Variants in MCEE observed in about 807,000 individuals in gnomAD.
MCEE encodes the protein methylmalonyl-CoA epimerase, also known as methylmalonyl-CoA epimerase, mitochondrial.
Under a neutral mutation model 12.9 loss-of-function variants are expected in MCEE, and 6 were observed. The observed-to-expected ratio is 0.47, with a 90% confidence interval of 0.26 to 0.92. MCEE has a LOEUF of 0.92. Ranked by LOEUF, MCEE falls within the 40% of genes least tolerant of loss-of-function variation. The probability of loss-of-function intolerance (pLI) is 0.16; values close to 1 mark genes in which losing one functional copy is unlikely to be tolerated. For missense variants in MCEE, 214 were observed against 212.1 expected, an observed-to-expected ratio of 1.01 and a Z score of -0.05; for synonymous variants, 78 against 77.9, an observed-to-expected ratio of 1.00 and a Z score of -0.01.
At chr2:71,112,867 C>T (rs1672918506) in intron 2 of MCEE, among the ~76,000 whole-genome samples, 1 of 152,234 alleles carries the variant, frequency 6.6e-6, no homozygotes, top group Admixed American at 6.5e-5. Flanking sequence ...TATTTTCTCT[C>T]TCTTCCTTTT....
chr2:71,117,255 T>C (rs902807238), intron 2 of MCEE, among the ~76,000 whole-genome samples: 2 of 150,620 alleles, frequency 1.3e-5, no homozygotes, highest in Admixed American at 6.6e-5. Context: ...AGGGTTCAGA[T>C]GGTTCCAGTC....
At chr2:71,129,960 G>C (rs1673333668) in intron 1 of MCEE, 2 of 626,930 alleles carry the variant, frequency 3.2e-6, no homozygotes, top group Non-Finnish European at 5.8e-6. Flanking sequence ...CACAGCTCTC[G>C]GATGGAAATG....
chr2:71,125,845 C>A (rs1347789152), intron 1 of MCEE, among the ~76,000 whole-genome samples: 1 of 152,126 alleles, frequency 6.6e-6, no homozygotes, highest in Non-Finnish European at 1.5e-5. Context: ...CACAACAAAC[C>A]AAGTTAGAAA....
intron 1 of MCEE, among the ~76,000 whole-genome samples, chr2:71,128,481 A>C (rs112553984): frequency 0.041 from 6,199 of 152,280 alleles, 386 homozygotes; most frequent in African/African-American, 0.13. Flanking sequence ...ATGGATAAAC[A>C]AAATGTGGTA....
intron 1 of MCEE, 139 bp downstream of exon 1, chr2:71,130,041 C>T: frequency 1.2e-6 from 1 of 851,974 alleles, no homozygotes; most frequent in Non-Finnish European, 2.0e-6. Flanking sequence ...GCCTAAGTGA[C>T]AGCAGCTGCT....
intron 1 of MCEE, chr2:71,129,920 C>T (rs1321763804): frequency 3.4e-6 from 2 of 582,416 alleles, no homozygotes; most frequent in Non-Finnish European, 6.2e-6. Context: ...CTCTCCCGCC[C>T]ACATACTGGA....
chr2:71,112,837 T>C (rs372156138), intron 2 of MCEE, among the ~76,000 whole-genome samples: 5 of 152,362 alleles, frequency 3.3e-5, no homozygotes, highest in African/African-American at 1.2e-4. Flanking sequence ...CAACTATTTT[T>C]TCAATTACTG....
At chr2:71,115,867 C>T (rs1377441816) in intron 2 of MCEE, among the ~76,000 whole-genome samples, 2 of 149,014 alleles carry the variant, frequency 1.3e-5, no homozygotes, top group East Asian at 1.9e-4. Context: ...ATGTAGACGA[C>T]GGGTTAATGG....
chr2:71,126,211 T>TA, intron 1 of MCEE, among the ~76,000 whole-genome samples: 1 of 152,016 alleles, frequency 6.6e-6, no homozygotes, highest in South Asian at 2.1e-4. Context: ...ATGTAATAAT[T>TA]ACTGTTAAAC....
At chr2:71,118,631 G>A (rs6725113) in intron 2 of MCEE, among the ~76,000 whole-genome samples, 38,209 of 149,304 alleles carry the variant, frequency 0.26, 7,057 homozygotes, top group African/African-American at 0.44. Context: ...GGCAACGGGT[G>A]TCTCTGAGGC....
chr2:71,125,211 A>ATATATATATATATATATATTTTTTTTTTT, intron 1 of MCEE, among the ~76,000 whole-genome samples: 6 of 48,594 alleles, frequency 1.2e-4, no homozygotes, highest in Non-Finnish European at 2.6e-4. Flanking sequence ...ATATATATAT[A>ATATATATATATATATATATTTTTTTTTTT]TTTTTTTTTT....
intron 1 of MCEE, among the ~76,000 whole-genome samples, chr2:71,125,459 G>A (rs1233019343): frequency 2.0e-5 from 3 of 151,250 alleles, no homozygotes; most frequent in African/African-American, 4.9e-5. Context: ...CACCCACCTC[G>A]GCCTCCCAAA....
chr2:71,125,201 A>T (rs1558748238), intron 1 of MCEE, among the ~76,000 whole-genome samples: 3 of 48,504 alleles, frequency 6.2e-5, no homozygotes. Flanking sequence ...ATATATATAT[A>T]TATATATATA....
intron 1 of MCEE, among the ~76,000 whole-genome samples, chr2:71,125,203 A>T (rs1441603153): frequency 7.0e-4 from 30 of 42,762 alleles, no homozygotes; most frequent in Non-Finnish European, 1.1e-3. Flanking sequence ...ATATATATAT[A>T]TATATATATT....
chr2:71,111,265 C>A (rs767076679), intron 2 of MCEE, among the ~76,000 whole-genome samples: 2 of 152,162 alleles, frequency 1.3e-5, no homozygotes, highest in East Asian at 3.8e-4. Flanking sequence ...TAATTCTCAT[C>A]TTTTTCAGAA....
chr2:71,124,035 G>C (rs935512740), intron 2 of MCEE, among the ~76,000 whole-genome samples, 171 bp downstream of exon 2: 1 of 152,058 alleles, frequency 6.6e-6, no homozygotes, highest in Non-Finnish European at 1.5e-5. Flanking sequence ...TTTTCTAAAG[G>C]GAAAAGAAAT....
At chr2:71,127,317 A>G (rs1316451794) in intron 1 of MCEE, among the ~76,000 whole-genome samples, 1 of 152,208 alleles carries the variant, frequency 6.6e-6, no homozygotes, top group East Asian at 1.9e-4. Context: ...CAGATTTTGC[A>G]TTTATTTCAG....
At chr2:71,127,468 C>T (rs547084701) in intron 1 of MCEE, among the ~76,000 whole-genome samples, 1 of 152,316 alleles carries the variant, frequency 6.6e-6, no homozygotes, top group East Asian at 1.9e-4. Context: ...TGAATAATCA[C>T]TTGTAATAGG....
At chr2:71,122,848 C>T (rs1335239842) in intron 2 of MCEE, among the ~76,000 whole-genome samples, 4 of 152,212 alleles carry the variant, frequency 2.6e-5, no homozygotes, top group African/African-American at 9.6e-5. Flanking sequence ...ATTCCCTCTG[C>T]CTGAAATAAC....
Sources: gnomAD v4.1 joint callset for allele counts (sites outside exome capture counted in the v4.1 genomes callset) on GRCh38, gnomAD v4.1.1 for gene constraint, MANE v1.5 for transcripts, NCBI Gene and HGNC (gene_info 2026-07-23, HGNC 2026-07-21) for gene names.